Variants in FOXP2 observed in about 807,000 individuals in gnomAD.
FOXP2 encodes forkhead box protein P2.
Under a neutral mutation model 115.8 loss-of-function variants are expected in FOXP2, and 12 were observed. The ratio of observed to expected loss-of-function variants is 0.10; its 90% CI spans 0.07 to 0.17. The LOEUF is 0.17. FOXP2 is among the 10% of genes least tolerant of loss of function. The pLI is 1.00. For synonymous variants in FOXP2, 328 were observed against 297.7 expected (o/e 1.10, Z -1.05); for missense variants, 629 against 843.5 (o/e 0.75, Z 3.15).
chr7:114,220,712 C>A (rs548331497), intron 1 of FOXP2, among the ~76,000 whole-genome samples: 1 of 152,094 alleles, frequency 6.6e-6, no homozygotes, highest in Non-Finnish European at 1.5e-5. Flanking sequence ...CAAAGAAACA[C>A]CACCACTTTC....
At chr7:114,313,801 A>G (rs1435295581) in intron 2 of FOXP2, among the ~76,000 whole-genome samples, 9 of 152,002 alleles carry the variant, frequency 5.9e-5, no homozygotes, top group African/African-American at 9.6e-5. Context: ...ATAATTTTGT[A>G]TAATGTTAAA....
chr7:114,211,021 A>G (rs541487454), intron 1 of FOXP2, among the ~76,000 whole-genome samples: 6 of 152,208 alleles, frequency 3.9e-5, no homozygotes, highest in Admixed American at 3.3e-4. Context: ...GTCTACCTAA[A>G]CGCAGAGATG....
At position 114,689,795 on chromosome 7, in the gene FOXP2, G is replaced by A. The variant is rs747467925; in HGVS notation, c.2017G>A (p.Val673Ile). 31 of 1,613,070 alleles carry A rather than the reference G, an allele frequency of 1.9e-5. No homozygotes were observed. The highest frequency in any genetic ancestry group is 1.1e-4 in the South Asian group (10 of 91,070). The change falls in exon 17 of 17, where the codon GTC becomes ATC. Residue 673 changes from valine (V) to isoleucine (I), a missense_variant. Physicochemically the swap from Val to Ile is conservative, Grantham distance 29 (BLOSUM62 3). Around this residue, in one of 9 missense-constraint regions of FOXP2, gnomAD observed 117 missense variants for 112.3 expected, o/e 1.04. Coordinates refer to ENST00000350908, the MANE Select transcript of FOXP2 (RefSeq NM_014491.4). ...SPQPHIHSIH[V>I]KEEPVIAEDE... ...CATGTTTTTCAGACATTCAATCCACGTCAAGGAAGAGCCAGTGATTGCAGA... is the reference window on the plus strand; with the variant it reads ...CATGTTTTTCAGACATTCAATCCACATCAAGGAAGAGCCAGTGATTGCAGA...
chr7:114,215,974 G>C (rs1794475457), intron 1 of FOXP2, among the ~76,000 whole-genome samples: 1 of 152,082 alleles, frequency 6.6e-6, no homozygotes, highest in South Asian at 2.1e-4. Flanking sequence ...CTCTAAATTA[G>C]ACATTATACC....
intron 1 of FOXP2, among the ~76,000 whole-genome samples, chr7:114,237,712 A>G (rs1226052499): frequency 6.6e-6 from 1 of 151,734 alleles, no homozygotes; most frequent in Non-Finnish European, 1.5e-5. Flanking sequence ...AGAGCCTCAC[A>G]CCTCTAATCT....
upstream of FOXP2, among the ~76,000 whole-genome samples, chr7:114,413,380 C>T (rs1198977148): frequency 1.3e-5 from 2 of 151,658 alleles, no homozygotes. Flanking sequence ...CATATAATTT[C>T]ATTTGCTTTG....
At chr7:114,318,379 G>GTTT (rs201941261) in intron 2 of FOXP2, among the ~76,000 whole-genome samples, 1 of 116,822 alleles carries the variant, frequency 8.6e-6, no homozygotes, top group Admixed American at 9.6e-5. Flanking sequence ...GTCTCTCTTT[G>GTTT]TTTTTTTTTT....
intron 1 of FOXP2, among the ~76,000 whole-genome samples, chr7:114,252,784 C>G (rs1350597426): frequency 6.6e-6 from 1 of 152,138 alleles, no homozygotes; most frequent in Non-Finnish European, 1.5e-5. Context: ...TTTTGTGTCT[C>G]TATCTCCTTC....
intron 2 of FOXP2, among the ~76,000 whole-genome samples, chr7:114,462,366 C>CTTTTTTTTTTTT (rs1170387045): frequency 1.1e-5 from 1 of 89,286 alleles, no homozygotes; most frequent in Non-Finnish European, 2.1e-5. Flanking sequence ...AGCATAATAT[C>CTTTTTTTTTTTT]TTTTTTTTTT....
At chr7:114,664,752 G>A (rs974025025) in intron 16 of FOXP2, 8 of 366,490 alleles carry the variant, frequency 2.2e-5, no homozygotes, top group African/African-American at 1.7e-4. Context: ...AGGTTGGTTT[G>A]TATGGTGCAA....
chr7:114,480,070 C>T (rs1378998884), intron 2 of FOXP2, among the ~76,000 whole-genome samples: 2 of 151,428 alleles, frequency 1.3e-5, no homozygotes, highest in South Asian at 2.1e-4. Flanking sequence ...AATAGAGACA[C>T]ATTTGAGAGA....
chr7:114,277,140 A>G (rs1204019063), intron 1 of FOXP2, among the ~76,000 whole-genome samples: 1 of 152,216 alleles, frequency 6.6e-6, no homozygotes, highest in Non-Finnish European at 1.5e-5. Flanking sequence ...AGTTCTTGTA[A>G]GAAGGACTGA....
intron 3 of FOXP2, among the ~76,000 whole-genome samples, chr7:114,616,627 T>A (rs1803966268): frequency 6.6e-6 from 1 of 152,208 alleles, no homozygotes; most frequent in African/African-American, 2.4e-5. Flanking sequence ...CCTGAAGATA[T>A]TAACTCCTTA....
At chr7:114,316,608 A>G (rs149968251) in intron 2 of FOXP2, among the ~76,000 whole-genome samples, 1 of 152,278 alleles carries the variant, frequency 6.6e-6, no homozygotes, top group Non-Finnish European at 1.5e-5. Context: ...GTGGCTTTAT[A>G]GTAGGGACCT....
intron 3 of FOXP2, among the ~76,000 whole-genome samples, chr7:114,580,832 G>C (rs117198490): frequency 6.6e-6 from 1 of 152,076 alleles, no homozygotes. Context: ...GGATATCTGC[G>C]TGTTCAGTAG....
chr7:114,114,997 T>A (rs1039207800), intron 1 of FOXP2, among the ~76,000 whole-genome samples: 1 of 152,124 alleles, frequency 6.6e-6, no homozygotes, highest in African/African-American at 2.4e-5. Flanking sequence ...TTTTATTTTG[T>A]GTGTTGCATT....
chr7:114,339,736 G>A (rs1416158336), intron 2 of FOXP2, among the ~76,000 whole-genome samples: 1 of 151,020 alleles, frequency 6.6e-6, no homozygotes, highest in Non-Finnish European at 1.5e-5. Flanking sequence ...TTTTGTGACT[G>A]TATTTACAAA....
intron 16 of FOXP2, among the ~76,000 whole-genome samples, chr7:114,676,335 G>T (rs1807762799): frequency 6.6e-6 from 1 of 152,026 alleles, no homozygotes. Flanking sequence ...TAAAGGATTT[G>T]AACAAGTCTA....
In FOXP2 at chr7:114,263,597, G is replaced by A. The variant is rs142371102; in HGVS notation, c.-101-24422G>A. Among the ~76,000 whole-genome samples, 279 of 151,700 alleles carry A rather than the reference G, an allele frequency of 1.8e-3. 3 individuals carry two copies. Among genetic ancestry groups the A allele is most frequent in the Middle Eastern group, 0.014 (4 of 292 alleles). ...GCCTCCCAATGTGCTGGGATTACAG[G>A]CGTGAGCCACTGTGCCTGGCTGATG... On this transcript the variant is annotated intron_variant, in intron 1 of 17. Coordinates refer to the FOXP2 transcript ENST00000634411.
Sources: gnomAD v4.1 joint callset for allele counts (sites outside exome capture counted in the v4.1 genomes callset) on GRCh38, gnomAD v4.1.1 for gene constraint, gnomAD v4.1.1 regional missense constraint, MANE v1.5 for transcripts, NCBI Gene and HGNC (gene_info 2026-07-23, HGNC 2026-07-21) for gene names.